NYAP2: variants seen among roughly 807,000 people sequenced by gnomAD.
NYAP2 encodes neuronal tyrosine-phosphorylated phosphoinositide-3-kinase adaptor 2, also known as neuronal tyrosine-phosphorylated phosphoinositide-3-kinase adapter 2.
A neutral mutation model predicts 50.4 loss-of-function variants in NYAP2; 23 were observed. The observed-to-expected ratio is 0.46, with a 90% CI of 0.33 to 0.65. NYAP2 has a LOEUF of 0.65. Among genes scored for constraint, NYAP2 ranks in the 30% least tolerant of loss-of-function variants. The probability of loss-of-function intolerance (pLI) is 0.02; values close to 1 mark genes in which losing one functional copy is unlikely to be tolerated. For missense variants in NYAP2, 885 were observed against 861.0 expected, an observed-to-expected ratio of 1.03 and a Z score of -0.35; for synonymous variants, 394 against 365.2, an observed-to-expected ratio of 1.08 and a Z score of -0.90.
chr2:225,510,968 T>G (rs1228650173), intron 3 of NYAP2, among the ~76,000 whole-genome samples: 1 of 152,198 alleles, frequency 6.6e-6, no homozygotes, highest in African/African-American at 2.4e-5. Flanking sequence ...AGAATTATTT[T>G]TAGTAACTCA....
At chr2:225,499,361 C>A (rs1690562279) in intron 3 of NYAP2, among the ~76,000 whole-genome samples, 2 of 151,524 alleles carry the variant, frequency 1.3e-5, no homozygotes, top group African/African-American at 4.9e-5. Flanking sequence ...GTCACCCAGG[C>A]TGGAGTACAG....
At chr2:225,638,320 A>C (rs1693462738) in intron 6 of NYAP2, among the ~76,000 whole-genome samples, 1 of 152,132 alleles carries the variant, frequency 6.6e-6, no homozygotes, top group South Asian at 2.1e-4. Context: ...CTTTAATGGA[A>C]CCATTCAGAA....
chr2:225,523,861 A>T (rs1691108544), intron 4 of NYAP2, among the ~76,000 whole-genome samples: 1 of 152,186 alleles, frequency 6.6e-6, no homozygotes. Flanking sequence ...AAGTAAACAT[A>T]TAGGTCAATG....
At chr2:225,681,530 A>G in the NYAP2 span, among the ~76,000 whole-genome samples, 1 of 152,184 alleles carries the variant, frequency 6.6e-6, no homozygotes, top group Admixed American at 6.5e-5. Context: ...CGATCTGGCT[A>G]TTCCATTCAC....
chr2:225,452,081 T>G (rs1316920410), intron 3 of NYAP2, among the ~76,000 whole-genome samples: 1 of 152,184 alleles, frequency 6.6e-6, no homozygotes, highest in African/African-American at 2.4e-5. Context: ...CAGGAAGAAT[T>G]GTTCCAGTTG....
At chr2:225,466,015 C>T (rs1017885907) in intron 3 of NYAP2, among the ~76,000 whole-genome samples, 6 of 152,140 alleles carry the variant, frequency 3.9e-5, no homozygotes, top group Non-Finnish European at 7.3e-5. Context: ...AGACACCATG[C>T]CGCTTGCTAA....
chr2:225,649,863 ATTGT>A (rs887733765), intron 6 of NYAP2, among the ~76,000 whole-genome samples: 9 of 152,316 alleles, frequency 5.9e-5, no homozygotes, highest in Middle Eastern at 3.4e-3. Flanking sequence ...AATGAAAACA[ATTGT>A]TTAAGATCAT....
At chr2:225,592,469 T>C (rs2106236443) in intron 5 of NYAP2, among the ~76,000 whole-genome samples, 1 of 152,340 alleles carries the variant, frequency 6.6e-6, no homozygotes, top group East Asian at 1.9e-4. Context: ...TGTGGTACTA[T>C]GTACTTGACA....
the NYAP2 span, chr2:225,703,296 AC>A: frequency 6.6e-6 from 1 of 151,764 alleles, no homozygotes; most frequent in South Asian, 2.1e-4. Flanking sequence ...TAACATGTTT[AC>A]CATATCTAAA....
the NYAP2 span, among the ~76,000 whole-genome samples, chr2:225,680,427 T>C: frequency 6.6e-6 from 1 of 152,178 alleles, no homozygotes; most frequent in Non-Finnish European, 1.5e-5. Context: ...ATGGCACTGC[T>C]CCCTGCATTA....
At chr2:225,412,786 G>C (rs1431618754) in intron 3 of NYAP2, among the ~76,000 whole-genome samples, 2 of 152,118 alleles carry the variant, frequency 1.3e-5, no homozygotes, top group Non-Finnish European at 2.9e-5. Context: ...AAAATAGCGG[G>C]CTAGGAAAGT....
the NYAP2 span, among the ~76,000 whole-genome samples, chr2:225,676,514 G>A: frequency 6.6e-6 from 1 of 152,072 alleles, no homozygotes. Flanking sequence ...GTTCCACATG[G>A]CTGGGGAGGC....
chr2:225,517,309 G>A (rs773344433), intron 4 of NYAP2, among the ~76,000 whole-genome samples: 2 of 152,030 alleles, frequency 1.3e-5, no homozygotes, highest in Non-Finnish European at 2.9e-5. Flanking sequence ...TGATCTAAAG[G>A]GGGTTAAGTA....
chr2:225,640,889 GA>G (rs1482767880), intron 6 of NYAP2, among the ~76,000 whole-genome samples: 1 of 152,048 alleles, frequency 6.6e-6, no homozygotes, highest in East Asian at 1.9e-4. Flanking sequence ...AACACTGCTA[GA>G]AAAAAATACA....
intron 4 of NYAP2, among the ~76,000 whole-genome samples, chr2:225,567,546 A>G (rs961629631): frequency 4.6e-5 from 7 of 152,084 alleles, no homozygotes; most frequent in Admixed American, 4.6e-4. Flanking sequence ...AGAAGCTGAT[A>G]ATCAAGTACA....
chr2:225,504,836 C>T (rs1295355527), intron 3 of NYAP2, among the ~76,000 whole-genome samples: 4 of 151,844 alleles, frequency 2.6e-5, no homozygotes, highest in Non-Finnish European at 5.9e-5. Flanking sequence ...GGTGAAATCC[C>T]GTCTCTACTA....
intron 5 of NYAP2, among the ~76,000 whole-genome samples, chr2:225,600,319 A>T (rs184284744): frequency 6.6e-6 from 1 of 152,320 alleles, no homozygotes; most frequent in African/African-American, 2.4e-5. Context: ...AAATATCTCA[A>T]GAAATGATCT....
intron 5 of NYAP2, among the ~76,000 whole-genome samples, chr2:225,616,416 G>A (rs1461211619): frequency 1.3e-5 from 2 of 152,202 alleles, no homozygotes; most frequent in African/African-American, 2.4e-5. Flanking sequence ...AATAATAGCA[G>A]TGCAACGAGA....
At chr2:225,620,395 GCACACACGCGCA>G (rs1408246227) in intron 5 of NYAP2, among the ~76,000 whole-genome samples, 2 of 149,370 alleles carry the variant, frequency 1.3e-5, no homozygotes, top group East Asian at 3.9e-4. Flanking sequence ...ACGCACGCAC[GCACACACGCGCA>G]CGCACACATG....
Sources: allele counts gnomAD v4.1 joint callset (sites outside exome capture counted in the v4.1 genomes callset), GRCh38; gene constraint gnomAD v4.1.1; transcripts MANE v1.5; gene names NCBI Gene and HGNC (gene_info 2026-07-23, HGNC 2026-07-21).